The following RGS7 variants were observed in gnomAD, a reference collection of about 807,000 sequenced individuals.
RGS7 encodes regulator of G protein signaling 7, also known as regulator of G-protein signaling 7.
In RGS7, 27 loss-of-function variants were observed where a neutral mutation model predicts 81.1. The ratio of observed to expected loss-of-function variants is 0.33; its 90% confidence interval spans 0.25 to 0.46. The LOEUF (loss-of-function observed/expected upper bound fraction) is 0.46, where lower values mean the gene tolerates loss of function less well. RGS7 is among the 20% of genes least tolerant of loss of function. The pLI is 1.00. For synonymous variants in RGS7, 208 were observed against 207.7 expected (o/e 1.00, Z -0.01); for missense variants, 396 against 607.4 (o/e 0.65, Z 3.66).
chr1:240,863,511 C>A (rs1662635448), intron 9 of RGS7, among the ~76,000 whole-genome samples: 2 of 151,984 alleles, frequency 1.3e-5, no homozygotes, highest in African/African-American at 4.8e-5. Flanking sequence ...AATGTAGATC[C>A]TTTTTGAAAT....
In RGS7 at chr1:240,885,796, G is replaced by A. The variant is rs79678606; in HGVS notation, c.386-15677C>T. 7.9e-3 allele frequency among the ~76,000 whole-genome samples: 1,201 copies of A among 152,052 alleles called. 18 individuals carry two copies. Among genetic ancestry groups the A allele is most frequent in the African/African-American group, 0.025 (1,034 of 41,474 alleles). The stretch of plus-strand genomic sequence containing the variant: ...AGGAGCAGAAAAACATTAAGTATTG[G>A]GTACCAGGCTTAATACCTGGGTAAT... On this transcript the variant is annotated intron_variant, in intron 6 of 18. Coordinates refer to ENST00000440928, the MANE Select transcript of RGS7 (RefSeq NM_001364886.1).
At chr1:241,201,424 C>T (rs1455215267) in intron 2 of RGS7, among the ~76,000 whole-genome samples, 6 of 152,158 alleles carry the variant, frequency 3.9e-5, no homozygotes, top group Non-Finnish European at 7.4e-5. Flanking sequence ...CCAGAACCAT[C>T]CACCATGAAA....
At chr1:241,061,880 T>C (rs558202498) in intron 3 of RGS7, among the ~76,000 whole-genome samples, 1 of 152,328 alleles carries the variant, frequency 6.6e-6, no homozygotes, top group Admixed American at 6.5e-5. Context: ...CTCTGTGAAA[T>C]TCTGAGTCTG....
At chr1:240,789,670 T>C (rs10802907) in intron 18 of RGS7, among the ~76,000 whole-genome samples, 115,379 of 152,066 alleles carry the variant, frequency 0.76, 44,062 homozygotes, top group African/African-American at 0.79. Flanking sequence ...AGGAAATTAC[T>C]GCCTAATAAA....
intron 3 of RGS7, among the ~76,000 whole-genome samples, chr1:240,993,664 C>T (rs1032782215): frequency 6.6e-6 from 1 of 151,822 alleles, no homozygotes; most frequent in Non-Finnish European, 1.5e-5. Flanking sequence ...TGTTGTTCCA[C>T]CCTCTTCACA....
intron 2 of RGS7, among the ~76,000 whole-genome samples, chr1:241,126,682 C>T (rs1374731844): frequency 6.6e-6 from 1 of 152,200 alleles, no homozygotes; most frequent in Non-Finnish European, 1.5e-5. Flanking sequence ...CCTCCTACCT[C>T]CAGCCCCCCA....
intron 2 of RGS7, among the ~76,000 whole-genome samples, chr1:241,328,385 C>T (rs945131366): frequency 2.0e-5 from 3 of 152,216 alleles, no homozygotes; most frequent in African/African-American, 4.8e-5. Context: ...AAGAACACTG[C>T]TCACTTGTCC....
chr1:240,982,969 T>C (rs547256236), intron 4 of RGS7, 110 bp downstream of exon 4: 37 of 656,594 alleles, frequency 5.6e-5, no homozygotes, highest in Non-Finnish European at 9.8e-5. Flanking sequence ...AACTGAATTA[T>C]AATTTTTCAG....
intron 5 of RGS7, among the ~76,000 whole-genome samples, chr1:240,933,957 T>C (rs1422363055): frequency 1.3e-5 from 2 of 151,924 alleles, no homozygotes; most frequent in African/African-American, 4.8e-5. Context: ...GAAGACTCTT[T>C]AGATTTTTTT....
intron 3 of RGS7, among the ~76,000 whole-genome samples, chr1:241,097,646 C>T (rs539671247): frequency 5.9e-5 from 9 of 152,248 alleles, no homozygotes; most frequent in East Asian, 1.9e-4. Context: ...GCTGAGGCTT[C>T]GGGCTGTCTG....
At chr1:241,025,107 A>C (rs1379526319) in intron 3 of RGS7, among the ~76,000 whole-genome samples, 1 of 152,230 alleles carries the variant, frequency 6.6e-6, no homozygotes, top group Non-Finnish European at 1.5e-5. Flanking sequence ...GTAGAGAGAC[A>C]AATTTCAATT....
intron 2 of RGS7, among the ~76,000 whole-genome samples, chr1:241,150,025 C>T (rs372345753): frequency 3.3e-5 from 5 of 152,112 alleles, no homozygotes; most frequent in South Asian, 2.1e-4. Context: ...CTGCCTGCCT[C>T]GGCTTCCCAA....
intron 6 of RGS7, among the ~76,000 whole-genome samples, chr1:240,889,345 G>A (rs1667900335): frequency 6.6e-6 from 1 of 152,180 alleles, no homozygotes; most frequent in Non-Finnish European, 1.5e-5. Flanking sequence ...GGTACAGCAA[G>A]GGGGACTGCC....
intron 5 of RGS7, among the ~76,000 whole-genome samples, chr1:240,933,482 C>T (rs906892318): frequency 2.0e-5 from 3 of 151,882 alleles, no homozygotes; most frequent in Admixed American, 2.0e-4. Flanking sequence ...GTGGAAATGC[C>T]ACTAAACCAA....
intron 3 of RGS7, among the ~76,000 whole-genome samples, chr1:241,098,427 A>G (rs2064456258): frequency 1.3e-5 from 2 of 152,172 alleles, no homozygotes; most frequent in Admixed American, 1.3e-4. Flanking sequence ...ATATTGTTTT[A>G]CTTCGCATTT....
intron 2 of RGS7, among the ~76,000 whole-genome samples, chr1:241,190,620 G>A (rs1454698149): frequency 6.6e-6 from 1 of 152,096 alleles, no homozygotes; most frequent in Non-Finnish European, 1.5e-5. Flanking sequence ...TGATTTTCAT[G>A]TGTTCATTGC....
intron 2 of RGS7, among the ~76,000 whole-genome samples, chr1:241,259,838 A>G (rs1000880256): frequency 6.6e-6 from 1 of 151,640 alleles, no homozygotes; most frequent in Non-Finnish European, 1.5e-5. Flanking sequence ...AACTGATGCC[A>G]CTATACTTAA....
At chr1:240,788,955 T>A (rs1472284869) in intron 18 of RGS7, among the ~76,000 whole-genome samples, 1 of 152,170 alleles carries the variant, frequency 6.6e-6, no homozygotes, top group African/African-American at 2.4e-5. Flanking sequence ...CTTGCCAACA[T>A]GGTGAAACCT....
At chr1:241,254,124 C>T (rs550220131) in intron 2 of RGS7, among the ~76,000 whole-genome samples, 27 of 148,240 alleles carry the variant, frequency 1.8e-4, no homozygotes, top group African/African-American at 6.5e-4. Flanking sequence ...GGCACAAACC[C>T]GGGAGGTGGG....
Sources: allele counts gnomAD v4.1 joint callset (sites outside exome capture counted in the v4.1 genomes callset), GRCh38; gene constraint gnomAD v4.1.1; transcripts MANE v1.5; gene names NCBI Gene and HGNC (gene_info 2026-07-23, HGNC 2026-07-21).